Variants in FAT1 observed in about 807,000 individuals in gnomAD.
FAT1 encodes protocadherin Fat 1.
A neutral mutation model predicts 329.8 loss-of-function variants in FAT1; 171 were observed. The ratio of observed to expected loss-of-function variants is 0.52; its 90% CI spans 0.46 to 0.59. The LOEUF is 0.59. Among genes scored for constraint, FAT1 ranks in the 20% least tolerant of loss-of-function variants. FAT1 has a pLI of 0.00. For synonymous variants in FAT1, 2,233 were observed against 2,228.6 expected (o/e 1.00, Z -0.06); for missense variants, 5,672 against 5,774.4 (o/e 0.98, Z 0.57).
At chr4:186,653,141 G>A (rs1200011914) in intron 3 of FAT1, among the ~76,000 whole-genome samples, 1 of 152,220 alleles carries the variant, frequency 6.6e-6, no homozygotes, top group Admixed American at 6.5e-5. Flanking sequence ...AAATGGGGGA[G>A]ATGATAAAGA....
intron 2 of FAT1, among the ~76,000 whole-genome samples, chr4:186,665,830 T>C (rs919314115): frequency 2.6e-5 from 4 of 152,058 alleles, no homozygotes; most frequent in African/African-American, 7.2e-5. Flanking sequence ...ATGTGGCACC[T>C]ACACACCATG....
intron 14 of FAT1, 196 bp from the exon 15 acceptor site, chr4:186,610,211 C>G: frequency 1.8e-6 from 1 of 562,326 alleles, no homozygotes; most frequent in Non-Finnish European, 3.1e-6. Flanking sequence ...CTTTATTTCT[C>G]TTAATTTTCA....
At chr4:186,611,928 A>G (rs760481100) in intron 13 of FAT1, among the ~76,000 whole-genome samples, 153 bp from the exon 14 acceptor site, 2 of 151,522 alleles carry the variant, frequency 1.3e-5, no homozygotes, top group South Asian at 4.2e-4. Flanking sequence ...GGTTCAAGCA[A>G]TTCTCCTGCC....
At chr4:186,679,528 A>G (rs1743114225) in intron 2 of FAT1, among the ~76,000 whole-genome samples, 3 of 152,042 alleles carry the variant, frequency 2.0e-5, no homozygotes, top group Admixed American at 2.0e-4. Flanking sequence ...TTTTCTATCC[A>G]TAAGCAGGAA....
intron 16 of FAT1, 58 bp from the exon 17 acceptor site, chr4:186,606,271 T>C (rs1401980523): frequency 1.9e-6 from 3 of 1,593,088 alleles, no homozygotes; most frequent in Non-Finnish European, 2.6e-6. Context: ...AGAGCTCCAA[T>C]GAGGAGTGTC....
Position 186,611,506 on chromosome 4 carries a change from C to T in FAT1, c.9733G>A (p.Val3245Ile), listed in dbSNP as rs2126467580. 6.2e-7 allele frequency: 1 copy of T among 1,613,958 alleles called. No homozygotes were observed. The highest frequency in any genetic ancestry group is 8.5e-7 in the Non-Finnish European group (1 of 1,179,862). Residue 3245 changes from valine (V) to isoleucine (I), a missense_variant, in exon 14 of 27, where the codon GTT becomes ATT. Coordinates refer to ENST00000441802, the MANE Select transcript of FAT1 (RefSeq NM_005245.4). The part of the protein sequence containing the change: ...YGATVSEDIL[V>I]GTEVLQVYAA... ...TACACTTGAAGAACTTCAGTTCCAACAAGAATGTCCTCAGACACGGTGGCA... is the reference window on the plus strand; with the variant it reads ...TACACTTGAAGAACTTCAGTTCCAATAAGAATGTCCTCAGACACGGTGGCA...
At chr4:186,657,560 A>G (rs1741961134) in intron 3 of FAT1, among the ~76,000 whole-genome samples, 3 of 152,168 alleles carry the variant, frequency 2.0e-5, no homozygotes, top group South Asian at 2.1e-4. Flanking sequence ...ACTGCCTGAT[A>G]GTGGTGATGT....
At chr4:186,718,202 T>C (rs1234938906) in intron 1 of FAT1, among the ~76,000 whole-genome samples, 1 of 152,102 alleles carries the variant, frequency 6.6e-6, no homozygotes, top group Non-Finnish European at 1.5e-5. Context: ...CTCCTCCTCT[T>C]AAAATGTTCT....
rs1328625804 is a variant in FAT1, at chr4:186,617,843, G to A, written c.8743C>T (p.Pro2915Ser). The change falls in exon 10 of 27, where the codon CCA becomes TCA. Residue 2915 changes from proline (P) to serine (S), a missense_variant. Physicochemically the swap from Pro to Ser is moderately conservative, Grantham distance 74 (BLOSUM62 -1). Coordinates refer to ENST00000441802, the MANE Select transcript of FAT1 (RefSeq NM_005245.4). ...DVTVTDVNDS[P>S]PRFTAEIYKG... The stretch of plus-strand genomic sequence containing the variant: ...TAGATCTCGGCCGTGAATCGTGGTG[G>A]ACTATCGTTGACATCGGTGACGGTA... 6.2e-7 allele frequency: 1 copy of A among 1,613,434 alleles called. No homozygotes were observed. Among genetic ancestry groups the A allele is most frequent in the African/African-American group, 1.3e-5 (1 of 74,966 alleles).
intron 2 of FAT1, among the ~76,000 whole-genome samples, chr4:186,679,557 A>G (rs1354895670): frequency 6.6e-6 from 1 of 152,104 alleles, no homozygotes; most frequent in African/African-American, 2.4e-5. Context: ...CATCTTATTT[A>G]GAAAACTGTC....
intron 3 of FAT1, among the ~76,000 whole-genome samples, chr4:186,658,558 A>G (rs1479511526): frequency 1.3e-5 from 2 of 152,244 alleles, no homozygotes; most frequent in East Asian, 1.9e-4. Flanking sequence ...CTGACTCAAA[A>G]AGAGGTCACT....
At chr4:186,613,460 T>C in intron 12 of FAT1, 118 bp from the exon 13 acceptor site, 2 of 737,730 alleles carry the variant, frequency 2.7e-6, no homozygotes, top group Non-Finnish European at 4.6e-6. Context: ...AGCCTTCCTC[T>C]TGAGACCAGT....
Position 186,621,359 on chromosome 4 carries a change from C to G in FAT1, c.5227G>C (p.Ala1743Pro), listed in dbSNP as rs763500994. The part of the protein sequence containing the change: ...YTLIIQGTNM[A>P]GLSTNTTVLV... ...ACCGTTGTATTAGTGGACAAACCAG[C>G]CATGTTAGTTCCTTGTATTATCAAT... Residue 1743 changes from alanine (A) to proline (P), a missense_variant, in exon 10 of 27, where the codon GCT becomes CCT. Physicochemically the swap from Ala to Pro is conservative, Grantham distance 27 (BLOSUM62 -1). This residue lies in a region of FAT1 where 3,966 missense variants were observed against 3,915.2 expected (regional missense o/e 1.01). Coordinates refer to ENST00000441802, the MANE Select transcript of FAT1 (RefSeq NM_005245.4). The G allele has an allele frequency of 6.2e-7, 1 of 1,613,996 alleles. No homozygotes were observed. Among genetic ancestry groups the G allele is most frequent in the Non-Finnish European group, 8.5e-7 (1 of 1,179,900 alleles).
intron 3 of FAT1, among the ~76,000 whole-genome samples, chr4:186,648,493 A>C (rs1741483710): frequency 6.6e-6 from 1 of 152,082 alleles, no homozygotes; most frequent in Non-Finnish European, 1.5e-5. Flanking sequence ...AGTTGCAGCA[A>C]ATTTTTAATG....
At chr4:186,646,252 T>A (rs971010222) in intron 3 of FAT1, among the ~76,000 whole-genome samples, 3 of 152,134 alleles carry the variant, frequency 2.0e-5, no homozygotes, top group African/African-American at 7.2e-5. Context: ...GGGAAAAAGA[T>A]CAAGGAAAAA....
chr4:186,609,123 G>A, intron 16 of FAT1, 60 bp downstream of exon 16: 2 of 1,577,262 alleles, frequency 1.3e-6, no homozygotes, highest in Non-Finnish European at 1.7e-6. Flanking sequence ...AGAGCACAAG[G>A]CATTTCTAGT....
Position 186,663,296 on chromosome 4 carries a change from T to A in FAT1, c.3580+3A>T, listed in dbSNP as rs535777703. The A allele has an allele frequency of 6.2e-7, 1 of 1,605,312 alleles. No homozygotes were observed. The highest frequency in any genetic ancestry group is 2.2e-5 in the East Asian group (1 of 44,800). On this transcript the variant is annotated splice_donor_region_variant and intron_variant, in intron 3 of 26. Coordinates refer to ENST00000441802, the MANE Select transcript of FAT1 (RefSeq NM_005245.4). Reference sequence around the variant, plus strand: ...CATTTCCTATAGCAGTATTAACACATACCTGTTTTAGGATGTATTGAAAAG... The same window carrying A: ...CATTTCCTATAGCAGTATTAACACAAACCTGTTTTAGGATGTATTGAAAAG...
Position 186,636,934 on chromosome 4 carries a change from A to G in FAT1, c.3643-20T>C, listed in dbSNP as rs1198114284. 1 of 1,571,944 alleles carries G rather than the reference A, an allele frequency of 6.4e-7. No homozygotes were observed. Among genetic ancestry groups the G allele is most frequent in the African/African-American group, 1.4e-5 (1 of 73,088 alleles). ...AGTAACCTGTTTTTTTAAAGTTAAC[A>G]GATTAACATGTTAAGATATACTATA... is the stretch of plus-strand genomic sequence containing the variant. On this transcript the variant is annotated intron_variant, in intron 4 of 26. Transcript: ENST00000441802.
intron 2 of FAT1, among the ~76,000 whole-genome samples, chr4:186,672,383 T>G (rs1742769778): frequency 6.6e-6 from 1 of 152,210 alleles, no homozygotes; most frequent in Non-Finnish European, 1.5e-5. Context: ...CTCTGCCCCC[T>G]TACAGATAAA....
Sources: gnomAD v4.1 joint callset for allele counts (sites outside exome capture counted in the v4.1 genomes callset) on GRCh38, gnomAD v4.1.1 for gene constraint, gnomAD v4.1.1 regional missense constraint, MANE v1.5 for transcripts, NCBI Gene and HGNC (gene_info 2026-07-23, HGNC 2026-07-21) for gene names.